The following CCSER1 variants were observed in gnomAD, a reference collection of about 807,000 sequenced individuals.
The protein encoded by CCSER1 is serine-rich coiled-coil domain-containing protein 1.
Under a neutral mutation model 82.0 loss-of-function variants are expected in CCSER1, and 41 were observed. The ratio of observed to expected loss-of-function variants is 0.50; its 90% CI spans 0.39 to 0.65. The LOEUF (loss-of-function observed/expected upper bound fraction) is 0.65. Among genes scored for constraint, CCSER1 ranks in the 30% least tolerant of loss-of-function variants. The pLI is 0.00. For synonymous variants in CCSER1, 414 were observed against 383.9 expected (o/e 1.08, Z -0.92); for missense variants, 1,119 against 1,064.2 (o/e 1.05, Z -0.72).
At chr4:91,214,540 T>C (rs1178569666) in intron 10 of CCSER1, among the ~76,000 whole-genome samples, 1 of 152,210 alleles carries the variant, frequency 6.6e-6, no homozygotes, top group Non-Finnish European at 1.5e-5. Flanking sequence ...ATAGTTCATA[T>C]TTCCTTCTCT....
chr4:90,256,052 C>T (rs1723225764), intron 1 of CCSER1, among the ~76,000 whole-genome samples: 1 of 152,092 alleles, frequency 6.6e-6, no homozygotes, highest in Non-Finnish European at 1.5e-5. Context: ...CACATTGTAT[C>T]CAGAAGTATG....
intron 5 of CCSER1, among the ~76,000 whole-genome samples, chr4:90,492,346 G>A (rs559755525): frequency 1.3e-5 from 2 of 152,236 alleles, no homozygotes; most frequent in South Asian, 2.1e-4. Context: ...TTGTATATCT[G>A]TGGGATTGGT....
intron 5 of CCSER1, among the ~76,000 whole-genome samples, chr4:90,471,415 G>A (rs780567372): frequency 1.3e-5 from 2 of 151,940 alleles, no homozygotes; most frequent in Admixed American, 6.6e-5. Flanking sequence ...TCCAGCTTGG[G>A]TGACAAAGCA....
chr4:91,464,927 T>C (rs1397019197), intron 10 of CCSER1, among the ~76,000 whole-genome samples: 2 of 152,120 alleles, frequency 1.3e-5, no homozygotes, highest in Non-Finnish European at 2.9e-5. Context: ...CATCCCACTG[T>C]CAGTATTAGA....
chr4:90,735,721 T>C (rs1414217753), intron 7 of CCSER1, among the ~76,000 whole-genome samples: 1 of 152,092 alleles, frequency 6.6e-6, no homozygotes, highest in East Asian at 1.9e-4. Context: ...TGGCTAAAGG[T>C]TTATTGATCT....
intron 3 of CCSER1, among the ~76,000 whole-genome samples, chr4:90,333,109 T>G (rs1199783245): frequency 1.3e-5 from 2 of 152,210 alleles, no homozygotes; most frequent in African/African-American, 4.8e-5. Flanking sequence ...ACATGTGTAA[T>G]ATATTGTTCT....
intron 10 of CCSER1, among the ~76,000 whole-genome samples, chr4:91,590,754 G>T (rs183161939): frequency 6.6e-6 from 1 of 152,114 alleles, no homozygotes; most frequent in Non-Finnish European, 1.5e-5. Context: ...ATTTAGTAAA[G>T]GAGATGATAT....
At chr4:90,852,684 G>T (rs889113697) in intron 8 of CCSER1, among the ~76,000 whole-genome samples, 1 of 152,040 alleles carries the variant, frequency 6.6e-6, no homozygotes, top group African/African-American at 2.4e-5. Flanking sequence ...CTCCTTTTTT[G>T]TTGTTGTTGT....
intron 6 of CCSER1, among the ~76,000 whole-genome samples, chr4:90,710,712 A>T (rs1487575590): frequency 1.3e-5 from 2 of 152,128 alleles, no homozygotes; most frequent in Non-Finnish European, 2.9e-5. Flanking sequence ...TATCAGTACC[A>T]TGCTGATTTG....
At chr4:90,877,011 A>G (rs1412521298) in intron 8 of CCSER1, among the ~76,000 whole-genome samples, 1 of 152,108 alleles carries the variant, frequency 6.6e-6, no homozygotes, top group Non-Finnish European at 1.5e-5. Context: ...GTTAAATTAC[A>G]TCATCATTCT....
chr4:90,292,739 G>A (rs1294506318), intron 1 of CCSER1, among the ~76,000 whole-genome samples: 9 of 151,330 alleles, frequency 5.9e-5, no homozygotes, highest in Admixed American at 5.9e-4. Flanking sequence ...CCAGACCAAT[G>A]CTGACTTTCA....
intron 10 of CCSER1, among the ~76,000 whole-genome samples, chr4:91,417,041 C>A (rs905851203): frequency 6.6e-5 from 10 of 151,890 alleles, no homozygotes; most frequent in Non-Finnish European, 1.3e-4. Flanking sequence ...AAAAAATGAG[C>A]AAAGGACATA....
chr4:91,522,889 G>A lies in CCSER1; in HGVS notation c.2218-75683G>A, dbSNP rs546973354. Among the ~76,000 whole-genome samples, 3 of 152,190 alleles carry A rather than the reference G, an allele frequency of 2.0e-5. No individual in the cohort carries two copies. The East Asian group carries it at 5.8e-4, about 29-fold the overall frequency. ...TTTCTTTATTTTGTCTGATTGCCCT[G>A]GCCAGAACTTCCAATACTATGTTGA... On this transcript the variant is annotated intron_variant, in intron 10 of 10. Transcript: ENST00000509176.
At chr4:90,156,767 CTCTGCACATGAGATGGGTT>C (rs569556917) in intron 1 of CCSER1, among the ~76,000 whole-genome samples, 2,461 of 152,176 alleles carry the variant, frequency 0.016, 37 homozygotes, top group Middle Eastern at 0.12. Context: ...CTATGTGTGT[CTCTGCACATGAGATGGGTT>C]TCCTGAATAC....
chr4:90,736,515 G>T (rs906773521), intron 7 of CCSER1, among the ~76,000 whole-genome samples: 1 of 151,874 alleles, frequency 6.6e-6, no homozygotes, highest in Non-Finnish European at 1.5e-5. Context: ...TCTGATATAA[G>T]TATAGCTAGT....
intron 8 of CCSER1, among the ~76,000 whole-genome samples, chr4:90,894,855 A>G (rs796330450): frequency 5.9e-5 from 9 of 152,108 alleles, no homozygotes; most frequent in African/African-American, 1.9e-4. Flanking sequence ...TCGGAATTCA[A>G]TGGGAAGTTC....
At chr4:91,281,146 G>A (rs1742882043) in intron 10 of CCSER1, among the ~76,000 whole-genome samples, 1 of 152,174 alleles carries the variant, frequency 6.6e-6, no homozygotes, top group Admixed American at 6.5e-5. Context: ...ATCTCTCCAG[G>A]CTCCCAGCTG....
At chr4:91,268,127 C>T (rs927469783) in intron 10 of CCSER1, among the ~76,000 whole-genome samples, 6 of 152,078 alleles carry the variant, frequency 3.9e-5, no homozygotes, top group African/African-American at 1.2e-4. Flanking sequence ...ATTAATCATA[C>T]CAAAATTTGT....
chr4:90,959,263 A>G (rs926498077), intron 9 of CCSER1, among the ~76,000 whole-genome samples: 3 of 152,178 alleles, frequency 2.0e-5, no homozygotes, highest in Admixed American at 1.3e-4. Context: ...TTCTTTGCCT[A>G]TTTCCAATAT....
Sources: allele counts gnomAD v4.1 joint callset (sites outside exome capture counted in the v4.1 genomes callset), GRCh38; gene constraint gnomAD v4.1.1; transcripts MANE v1.5; gene names NCBI Gene and HGNC (gene_info 2026-07-23, HGNC 2026-07-21).